NOD2: variants seen among roughly 807,000 people sequenced by gnomAD.
The protein encoded by NOD2 is nucleotide binding oligomerization domain containing 2.
Under a neutral mutation model 90.9 loss-of-function variants are expected in NOD2, and 86 were observed. That is an observed-to-expected ratio of 0.95 (90% CI 0.79 to 1.13). The LOEUF (loss-of-function observed/expected upper bound fraction) is 1.13, where lower values mean the gene tolerates loss of function less well. Among genes scored for constraint, NOD2 ranks in the 50% most tolerant of loss-of-function variants. The pLI is 0.00. For synonymous variants in NOD2, 581 were observed against 554.6 expected, an observed-to-expected ratio of 1.05 and a Z score of -0.67; for missense variants, 1,238 against 1,283.8, an observed-to-expected ratio of 0.96 and a Z score of 0.55.
intron 10 of NOD2, chr16:50,728,387 C>A (rs1965338889): frequency 3.2e-6 from 1 of 316,158 alleles, no homozygotes; most frequent in South Asian, 2.9e-5. Flanking sequence ...GCTTTACAAC[C>A]CATTTTGAAT....
At chr16:50,712,844 C>T (rs530789043) in intron 4 of NOD2, 60 of 200,000 alleles carry the variant, frequency 3.0e-4, no homozygotes, top group Non-Finnish European at 4.8e-4. Flanking sequence ...AGTATGTGTC[C>T]GTATCAGGAA....
chr16:50,698,862 CCT>C (rs1963787625), intron 1 of NOD2, among the ~76,000 whole-genome samples: 1 of 152,078 alleles, frequency 6.6e-6, no homozygotes, highest in Admixed American at 6.5e-5. Context: ...TGAAAGAGCC[CCT>C]CTCACCCTGC....
At chr16:50,710,067 C>G (rs1392314603) in intron 3 of NOD2, 3 of 451,998 alleles carry the variant, frequency 6.6e-6, no homozygotes, top group South Asian at 3.1e-5. Context: ...CCCTTTGTTC[C>G]CCTTTAGAAA....
Position 50,699,821 on chromosome 16 carries a change from G to T in NOD2, c.326G>T (p.Ser109Ile). 6.2e-7 allele frequency: 1 copy of T among 1,613,640 alleles called. No individual in the cohort carries two copies. The highest frequency in any genetic ancestry group is 8.5e-7 in the Non-Finnish European group (1 of 1,179,984). ...CTCCACCCAGCCCGAGACCTGCAGA[G>T]TCACCGGCCAGCCATTGTCAGGAGG... Reference protein sequence around the residue: ...HSLHPARDLQSHRPAIVRRLH... With the variant: ...HSLHPARDLQIHRPAIVRRLH... The change falls in exon 2 of 12, where the codon AGT becomes ATT. Residue 109 changes from serine (S) to isoleucine (I), a missense_variant. Ser to Ile is a moderately radical substitution (Grantham distance 142). Transcript: ENST00000647318.
In NOD2 at chr16:50,729,707, G is replaced by A. The variant is rs977643502; in HGVS notation, c.2886-111G>A. ...TCAGACATGAGCAGGATGTGTCTAA[G>A]GGACAGGTGGGCTTCAGTAGACTGG... On this transcript the variant is annotated intron_variant, in intron 10 of 11. Transcript: ENST00000647318. 3 of 822,658 alleles carry A rather than the reference G, an allele frequency of 3.6e-6. No homozygotes were observed. In the African/African-American group the frequency reaches 5.0e-5, roughly 14 times the overall value. The allele number at this position is 822,658 out of a possible 1,614,324, so 51.0% of individuals were successfully genotyped here. A position where few individuals can be genotyped will look rare whatever the true frequency, so the allele number is the denominator to read the frequency against.
rs1596913288 is a variant in NOD2, at chr16:50,727,820, T to C, written c.2886-1998T>C. 5 of 369,614 alleles carry C rather than the reference T, an allele frequency of 1.4e-5. No homozygotes were observed. In the East Asian group the frequency reaches 3.8e-4, roughly 28 times the overall value. 22.9% of individuals were successfully genotyped at this position (369,614 alleles called of 1,614,324 possible). A position where few individuals can be genotyped will look rare whatever the true frequency, so the allele number is the denominator to read the frequency against. On this transcript the variant is annotated intron_variant, in intron 10 of 11. Coordinates refer to ENST00000647318, the MANE Select transcript of NOD2 (RefSeq NM_001370466.1). ...ATTGACTTGCCGAGCATACTTCTCATATGTAATGGTTTCGCAGGGATTCAG... is the reference window on the plus strand; with the variant it reads ...ATTGACTTGCCGAGCATACTTCTCACATGTAATGGTTTCGCAGGGATTCAG...
intron 2 of NOD2, among the ~76,000 whole-genome samples, chr16:50,702,798 C>A (rs1964000986): frequency 6.6e-6 from 1 of 152,230 alleles, no homozygotes; most frequent in South Asian, 2.1e-4. Context: ...AATCGCCCAT[C>A]TGGGAAGCGG....
At chr16:50,723,497 T>TTGAC in intron 9 of NOD2, 113 bp downstream of exon 9, 1 of 883,912 alleles carries the variant, frequency 1.1e-6, no homozygotes, top group Middle Eastern at 3.1e-4. Context: ...GATTGAGTGA[T>TTGAC]TGACTGATTG....
chr16:50,697,405 A>G (rs1963704470), intron 1 of NOD2: 3 of 1,211,638 alleles, frequency 2.5e-6, no homozygotes, highest in East Asian at 2.5e-5. Context: ...CTGGGGTCAG[A>G]TGGGGAGTGC....
intron 1 of NOD2, among the ~76,000 whole-genome samples, chr16:50,698,737 G>A (rs1963781245): frequency 6.6e-6 from 1 of 152,142 alleles, no homozygotes; most frequent in South Asian, 2.1e-4. Context: ...CAGAGTGGCT[G>A]GGAGGGTTCA....
At chr16:50,718,443 A>G (rs1964897528) in intron 6 of NOD2, among the ~76,000 whole-genome samples, 1 of 152,262 alleles carries the variant, frequency 6.6e-6, no homozygotes, top group Non-Finnish European at 1.5e-5. Flanking sequence ...ATAGCATGCA[A>G]TTTAAAATGT....
Position 50,697,369 on chromosome 16 carries a change from T to C in NOD2, c.-8-2119T>C, listed in dbSNP as rs1963701156. The C allele has an allele frequency of 3.3e-6, 5 of 1,497,850 alleles. No homozygotes were observed. The East Asian group carries it at 1.2e-4, about 37-fold the overall frequency. The allele number at this position is 1,497,850 out of a possible 1,614,324, so 92.8% of individuals were successfully genotyped here. A position where few individuals can be genotyped will look rare whatever the true frequency, so the allele number is the denominator to read the frequency against. On this transcript the variant is annotated intron_variant, in intron 1 of 11. Coordinates refer to ENST00000647318, the MANE Select transcript of NOD2 (RefSeq NM_001370466.1). The stretch of plus-strand genomic sequence containing the variant: ...CAGCTTGATCCTCAGCCTTCTTTCA[T>C]CCTTGGCCGCGACATGCTCCCAGGC...
intron 9 of NOD2, among the ~76,000 whole-genome samples, chr16:50,723,877 ACTGCTGCTGCTGCTG>A (rs912535842): frequency 1.3e-5 from 2 of 151,942 alleles, no homozygotes; most frequent in African/African-American, 2.4e-5. Flanking sequence ...TACTACTATT[ACTGCTGCTGCTGCTG>A]CTGCTGCTGC....
At chr16:50,698,204 C>T (rs558536552) in intron 1 of NOD2, among the ~76,000 whole-genome samples, 6 of 152,356 alleles carry the variant, frequency 3.9e-5, no homozygotes, top group Admixed American at 2.0e-4. Flanking sequence ...CCATGACAAT[C>T]GCAGAACTGA....
intron 2 of NOD2, among the ~76,000 whole-genome samples, chr16:50,702,312 G>A (rs1963979374): frequency 6.6e-6 from 1 of 152,234 alleles, no homozygotes; most frequent in Admixed American, 6.5e-5. Flanking sequence ...TGAAGGTTGG[G>A]ACTGAGCTGA....
At chr16:50,706,644 G>T (rs925402055) in intron 2 of NOD2, among the ~76,000 whole-genome samples, 1 of 151,916 alleles carries the variant, frequency 6.6e-6, no homozygotes, top group Non-Finnish European at 1.5e-5. Flanking sequence ...ATACACATCA[G>T]ATTTCAAAGA....
rs148561632 is a variant in NOD2 at position 50,725,532 on chromosome 16, G to T, written c.2845G>T (p.Ala949Ser). The T allele has an allele frequency of 6.2e-7, 1 of 1,614,060 alleles. No homozygotes were observed. Among genetic ancestry groups the T allele is most frequent in the Non-Finnish European group, 8.5e-7 (1 of 1,179,958 alleles). Residue 949 changes from alanine to serine, a missense_variant, in exon 10 of 12, where the codon GCA (alanine) becomes TCA (serine). Ala to Ser is a moderately conservative substitution (Grantham distance 99, BLOSUM62 1). This residue lies in a region of NOD2 where 667 missense variants were observed against 688.7 expected (regional missense o/e 0.97). Transcript: ENST00000647318. ...CCAGGATGAAGGTGTATGTTCTCTC[G>T]CAGAAGGACTGAAGAAAAATTCAAG... ...HLQDEGVCSL[A>S]EGLKKNSSLK... is the part of the protein sequence containing the mutation.
intron 4 of NOD2, chr16:50,712,586 GT>G (rs1964590012): frequency 1.6e-6 from 1 of 631,870 alleles, no homozygotes; most frequent in African/African-American, 1.8e-5. Flanking sequence ...GCTGGGTCTG[GT>G]GCTATGCTTT....
At position 50,698,395 on chromosome 16, in the gene NOD2, T is replaced by C. The variant is rs116382327; in HGVS notation, c.-8-1093T>C. ...AGGTGAGGGCCCTAGGGCAAGTGTG[T>C]GTGGGAAGTGTTGATGGGGGACAAG... On this transcript the variant is annotated intron_variant, in intron 1 of 11. Transcript: ENST00000647318. Among the ~76,000 whole-genome samples, 1,121 of 152,230 alleles carry C rather than the reference T, an allele frequency of 7.4e-3. 9 individuals are homozygous for C. Among genetic ancestry groups the C allele is most frequent in the African/African-American group, 0.025 (1,047 of 41,516 alleles).
Sources: gnomAD v4.1 joint callset for allele counts (sites outside exome capture counted in the v4.1 genomes callset) on GRCh38, gnomAD v4.1.1 for gene constraint, gnomAD v4.1.1 regional missense constraint, MANE v1.5 for transcripts, NCBI Gene and HGNC (gene_info 2026-07-23, HGNC 2026-07-21) for gene names.